Variants in FAM135A observed in about 807,000 individuals in gnomAD.
FAM135A encodes the protein protein FAM135A.
FAM135A carries 79 observed loss-of-function variants against 146.8 expected under a neutral mutation model. The ratio of observed to expected loss-of-function variants is 0.54; its 90% CI spans 0.45 to 0.65. The LOEUF is 0.65. Among genes scored for constraint, FAM135A ranks in the 30% least tolerant of loss-of-function variants. The pLI, the probability that FAM135A is intolerant of heterozygous loss-of-function variation, is 0.00. For missense variants in FAM135A, 1,623 were observed against 1,758.2 expected (o/e 0.92, Z 1.38); for synonymous variants, 562 against 603.6 (o/e 0.93, Z 1.01).
At position 70,415,301 on chromosome 6, in the gene FAM135A, C is replaced by T. The variant is rs191562186; in HGVS notation, c.-209C>T. 4 of 152,202 alleles carry T rather than the reference C, an allele frequency of 2.6e-5. No individual in the cohort carries two copies. In the East Asian group the frequency reaches 7.7e-4, roughly 29 times the overall value. 9.4% of individuals were successfully genotyped at this position (152,202 alleles called of 1,614,324 possible). A position where few individuals can be genotyped will look rare whatever the true frequency, so the allele number is the denominator to read the frequency against. ...TTGTCTTTATTGTAGGGTTGAAGAT[C>T]AACTGGATTATGTATTTGGTTCTGG... On this transcript the variant is annotated 5_prime_UTR_variant, in exon 2 of 22. An upstream open reading frame in the 5' UTR gains an earlier in-frame stop. Coordinates refer to ENST00000418814, the MANE Select transcript of FAM135A (RefSeq NM_001162529.3).
intron 12 of FAM135A, among the ~76,000 whole-genome samples, chr6:70,521,026 TAA>T (rs1793453499): frequency 6.6e-6 from 1 of 152,222 alleles, no homozygotes; most frequent in Non-Finnish European, 1.5e-5. Context: ...CTTGGCCAAA[TAA>T]TTAACCTCTT....
intron 4 of FAM135A, among the ~76,000 whole-genome samples, chr6:70,447,222 C>T (rs994187017): frequency 1.3e-5 from 2 of 152,174 alleles, no homozygotes; most frequent in Non-Finnish European, 2.9e-5. Flanking sequence ...TTGATTTACC[C>T]AGTAAGCTGC....
At chr6:70,554,090 C>T (rs2128496261) in intron 20 of FAM135A, among the ~76,000 whole-genome samples, 1 of 152,084 alleles carries the variant, frequency 6.6e-6, no homozygotes, top group East Asian at 1.9e-4. Flanking sequence ...AAAAGCAGGC[C>T]AGAAATTTAG....
At chr6:70,474,168 A>T (rs1331890493) in intron 5 of FAM135A, among the ~76,000 whole-genome samples, 1 of 152,140 alleles carries the variant, frequency 6.6e-6, no homozygotes, top group East Asian at 1.9e-4. Flanking sequence ...CCTGCCTTTG[A>T]CTGACATCCA....
intron 1 of FAM135A, among the ~76,000 whole-genome samples, chr6:70,414,523 C>G (rs1472441942): frequency 2.6e-5 from 4 of 152,024 alleles, no homozygotes; most frequent in Admixed American, 6.6e-5. Context: ...CCTCCCCCCC[C>G]CATTTGTATA....
rs1329156554 is a variant in FAM135A, at chr6:70,533,161, A to T, written c.3777A>T (p.Gly1259=). 2 of 1,611,286 alleles carry T rather than the reference A, an allele frequency of 1.2e-6. No homozygotes were observed. The highest frequency in any genetic ancestry group is 2.7e-5 in the African/African-American group (2 of 74,868). The part of the protein sequence containing the change: ...HLIVCVHGLD[G]NSADLRLVKT... Reference sequence around the variant, plus strand: ...TAAACATCATTTTTCATTTTTTAGGAAACAGTGCAGATCTCCGATTAGTAA... The same window carrying T: ...TAAACATCATTTTTCATTTTTTAGGTAACAGTGCAGATCTCCGATTAGTAA... Residue 1259 remains glycine, a splice_region_variant and synonymous_variant, in exon 17 of 22, where the codon GGA becomes GGT. Coordinates refer to ENST00000418814, the MANE Select transcript of FAM135A (RefSeq NM_001162529.3).
intron 2 of FAM135A, among the ~76,000 whole-genome samples, chr6:70,420,881 CT>C (rs769247397): frequency 1.0e-3 from 149 of 145,532 alleles, no homozygotes; most frequent in Middle Eastern, 3.5e-3. Context: ...GCACACACTA[CT>C]TTTTTTTTTT....
At chr6:70,447,579 G>A (rs866430749) in intron 4 of FAM135A, among the ~76,000 whole-genome samples, 1 of 152,206 alleles carries the variant, frequency 6.6e-6, no homozygotes, top group Non-Finnish European at 1.5e-5. Flanking sequence ...ACTACCGGCT[G>A]TGGCGGGGGA....
At chr6:70,448,045 CAG>C (rs375210674) in intron 4 of FAM135A, among the ~76,000 whole-genome samples, 25 of 152,268 alleles carry the variant, frequency 1.6e-4, no homozygotes, top group African/African-American at 6.0e-4. Context: ...TGTATTCTAA[CAG>C]GGAACTGCCA....
chr6:70,548,995 G>A (rs888069480), intron 20 of FAM135A, among the ~76,000 whole-genome samples: 1 of 151,964 alleles, frequency 6.6e-6, no homozygotes, highest in African/African-American at 2.4e-5. Context: ...CCATTAGGTT[G>A]GTAAAATTTA....
chr6:70,429,005 G>A (rs1359887721), intron 4 of FAM135A, among the ~76,000 whole-genome samples: 1 of 152,118 alleles, frequency 6.6e-6, no homozygotes, highest in African/African-American at 2.4e-5. Flanking sequence ...AGATCAATAA[G>A]TATGTATAAG....
intron 20 of FAM135A, among the ~76,000 whole-genome samples, chr6:70,554,714 G>A (rs548094137): frequency 1.3e-5 from 2 of 151,938 alleles, no homozygotes; most frequent in South Asian, 2.1e-4. Context: ...TGCAACCTCC[G>A]CCTCCTGGGT....
intron 4 of FAM135A, among the ~76,000 whole-genome samples, chr6:70,449,358 C>A (rs1776543796): frequency 6.6e-6 from 1 of 152,128 alleles, no homozygotes; most frequent in Non-Finnish European, 1.5e-5. Flanking sequence ...CTTACTACTC[C>A]TGTCCAACTG....
At chr6:70,495,838 C>T (rs563089843) in intron 11 of FAM135A, among the ~76,000 whole-genome samples, 82 of 152,218 alleles carry the variant, frequency 5.4e-4, no homozygotes, top group Middle Eastern at 3.4e-3. Context: ...CGTCCTGTGT[C>T]CATGTGTTCT....
chr6:70,440,973 T>C (rs991118276), intron 4 of FAM135A, among the ~76,000 whole-genome samples: 1 of 152,246 alleles, frequency 6.6e-6, no homozygotes, highest in Non-Finnish European at 1.5e-5. Context: ...ATAAATGTTT[T>C]ATTATTTCTC....
intron 20 of FAM135A, among the ~76,000 whole-genome samples, chr6:70,551,546 G>A (rs1386046485): frequency 6.6e-6 from 1 of 152,180 alleles, no homozygotes; most frequent in African/African-American, 2.4e-5. Context: ...AGGAGGTAGA[G>A]GCCGCAATGA....
At position 70,524,948 on chromosome 6, in the gene FAM135A, C is replaced by T; in HGVS notation, c.1864C>T (p.Gln622Ter). The T allele has an allele frequency of 2.5e-6, 4 of 1,608,048 alleles. No individual in the cohort carries two copies. Among genetic ancestry groups the T allele is most frequent in the Non-Finnish European group, 3.4e-6 (4 of 1,177,842 alleles). ...CATTTCAGGTAAACTTGATATCTCC[C>T]AGGACGATAGTGAAATTACACAAAT... ...LSISGKLDIS[Q>*]DDSEITQMEH... Residue 622 changes from glutamine to a stop codon, truncating the protein, a stop_gained, in exon 15 of 22, where the codon CAG (glutamine) becomes TAG (stop). Coordinates refer to ENST00000418814, the MANE Select transcript of FAM135A (RefSeq NM_001162529.3). LOFTEE classifies it high-confidence loss of function.
chr6:70,426,804 G>T (rs1770253724), intron 3 of FAM135A: 1 of 152,202 alleles, frequency 6.6e-6, no homozygotes, highest in Non-Finnish European at 1.5e-5. Flanking sequence ...CCTGAATTAG[G>T]GGAACCTGAG....
At chr6:70,539,931 GC>G (rs1229116716) in intron 20 of FAM135A, among the ~76,000 whole-genome samples, 2 of 152,206 alleles carry the variant, frequency 1.3e-5, no homozygotes, top group Non-Finnish European at 2.9e-5. Flanking sequence ...GGGAGGCGGA[GC>G]TTGCAGTGAG....
Sources: allele counts gnomAD v4.1 joint callset (sites outside exome capture counted in the v4.1 genomes callset), GRCh38; gene constraint gnomAD v4.1.1; transcripts MANE v1.5; gene names NCBI Gene and HGNC (gene_info 2026-07-23, HGNC 2026-07-21).